The following ABCA10 variants were observed in gnomAD, a reference collection of about 807,000 sequenced individuals.
ABCA10 encodes the protein ATP-binding cassette sub-family A member 10.
In ABCA10, 169 loss-of-function variants were observed where a neutral mutation model predicts 187.5. The observed-to-expected ratio is 0.90, with a 90% CI of 0.80 to 1.02. ABCA10 has a LOEUF of 1.02. ABCA10 is among the 50% of genes least tolerant of loss of function. The pLI, the probability that ABCA10 is intolerant of heterozygous loss-of-function variation, is 0.00. For synonymous variants in ABCA10, 574 were observed against 601.8 expected (o/e 0.95, Z 0.68); for missense variants, 1,727 against 1,812.4 (o/e 0.95, Z 0.86).
intron 11 of ABCA10, among the ~76,000 whole-genome samples, chr17:69,195,267 A>C (rs980313047): frequency 6.6e-6 from 1 of 152,200 alleles, no homozygotes; most frequent in African/African-American, 2.4e-5. Context: ...AGTTCTATGA[A>C]AGTAAAACCA....
rs2074759670 is a variant in ABCA10 at position 69,222,665 on chromosome 17, T to G, written c.67A>C (p.Thr23Pro). ...TTTTTTGGAAGTTCTATATCCATGG[T>G]CTCTTCATCTGGTGTCCCAATGACT... The part of the protein sequence containing the change: ...RTVIGTPDEE[T>P]MDIELPKKYH... The change falls in exon 4 of 39, where the codon ACC (threonine) becomes CCC (proline). Residue 23 changes from threonine (T) to proline (P), a missense_variant. Transcript: ENST00000690296. 1 of 1,594,930 alleles carries G rather than the reference T, an allele frequency of 6.3e-7. No individual in the cohort carries two copies. Among genetic ancestry groups the G allele is most frequent in the African/African-American group, 1.4e-5 (1 of 73,642 alleles).
chr17:69,155,187 C>T (rs765080845), intron 29 of ABCA10, 51 bp from the exon 30 acceptor site: 21 of 1,389,136 alleles, frequency 1.5e-5, no homozygotes, highest in Non-Finnish European at 1.5e-5. Context: ...AGATACTTTA[C>T]GAATTGATGT....
At chr17:69,155,548 T>C (rs1183708452) in intron 29 of ABCA10, among the ~76,000 whole-genome samples, 1 of 152,192 alleles carries the variant, frequency 6.6e-6, no homozygotes, top group Admixed American at 6.5e-5. Flanking sequence ...TAAAATTGAT[T>C]AAAAAATTCG....
chr17:69,234,552 C>T (rs944801748), intron 1 of ABCA10: 1 of 152,232 alleles, frequency 6.6e-6, no homozygotes, highest in African/African-American at 2.4e-5. Context: ...TCAAAACAAC[C>T]TCTAGGTCTT....
At chr17:69,174,809 A>G in intron 23 of ABCA10, 32 bp from the exon 24 acceptor site, 1 of 1,493,224 alleles carries the variant, frequency 6.7e-7, no homozygotes, top group Non-Finnish European at 8.9e-7. Context: ...AGAGGAAGGG[A>G]TCTTAGTTTG....
At position 69,182,137 on chromosome 17, in the gene ABCA10, C is replaced by A; in HGVS notation, c.2769+16G>T. The A allele has an allele frequency of 6.4e-7, 1 of 1,553,450 alleles. No individual in the cohort carries two copies. Among genetic ancestry groups the A allele is most frequent in the Non-Finnish European group, 8.7e-7 (1 of 1,151,180 alleles). On this transcript the variant is annotated intron_variant, in intron 22 of 38. Coordinates refer to ENST00000690296, the MANE Select transcript of ABCA10 (RefSeq NM_001377321.1). The stretch of plus-strand genomic sequence containing the variant: ...CTGCTGTGTTGCCTCTTATATAAGT[C>A]GAATACTCTACTTACACGAGAAAAT...
chr17:69,184,849 A>G (rs1182441688), intron 20 of ABCA10, among the ~76,000 whole-genome samples: 13 of 144,160 alleles, frequency 9.0e-5, no homozygotes, highest in African/African-American at 3.0e-4. Context: ...ATATATGTAT[A>G]TGTGTGTGTG....
rs1405468753 is a variant in ABCA10 at position 69,152,158 on chromosome 17, T to A, written c.4282A>T (p.Lys1428Ter). Residue 1428 changes from lysine to a stop codon, truncating the protein, a stop_gained, in exon 36 of 39, where the codon AAA (lysine) becomes TAA (stop). Transcript: ENST00000690296. LOFTEE classifies it high-confidence loss of function. The part of the protein sequence containing the change: ...LRCIGSIQHL[K>*]NKFGRDYLLE... The stretch of plus-strand genomic sequence containing the variant: ...AAATAATCTCTACCAAACTTGTTTT[T>A]CAGATGTTGAATGGAACCAATACAC... The A allele has an allele frequency of 1.9e-6, 3 of 1,612,728 alleles. No homozygotes were observed. Among genetic ancestry groups the A allele is most frequent in the East Asian group, 2.2e-5 (1 of 44,862 alleles).
chr17:69,176,198 C>G (rs1348667695), intron 22 of ABCA10, among the ~76,000 whole-genome samples: 1 of 152,058 alleles, frequency 6.6e-6, no homozygotes, highest in African/African-American at 2.4e-5. Flanking sequence ...GTTCCAGTTC[C>G]CTATTTCCAA....
chr17:69,154,294 C>T lies in ABCA10; in HGVS notation c.3727G>A (p.Ala1243Thr). 2 of 1,611,518 alleles carry T rather than the reference C, an allele frequency of 1.2e-6. No homozygotes were observed. The highest frequency in any genetic ancestry group is 8.5e-7 in the Non-Finnish European group (1 of 1,179,412). The change falls in exon 31 of 39, where the codon GCT becomes ACT. Residue 1243 changes from alanine (A) to threonine (T), a missense_variant. Coordinates refer to ENST00000690296, the MANE Select transcript of ABCA10 (RefSeq NM_001377321.1). ...EVLGLLGHNG[A>T]GKSTSIKMIT... is the part of the protein sequence containing the mutation. ...ATTTTAATGGAAGTACTTTTACCAG[C>T]TCCATTGTGTCCTAGTAATCCCAAA...
At chr17:69,149,861 G>T in intron 37 of ABCA10, 123 bp downstream of exon 37, 1 of 732,204 alleles carries the variant, frequency 1.4e-6, no homozygotes, top group Non-Finnish European at 2.2e-6. Flanking sequence ...TGACTATCCT[G>T]GTAGGGATTT....
chr17:69,230,069 G>A (rs1277297001), upstream of ABCA10, among the ~76,000 whole-genome samples: 1 of 151,940 alleles, frequency 6.6e-6, no homozygotes, highest in East Asian at 1.9e-4. Context: ...CCTCATAAAT[G>A]GATTAACACT....
chr17:69,202,788 A>C (rs1010108092), intron 9 of ABCA10, among the ~76,000 whole-genome samples: 7 of 152,100 alleles, frequency 4.6e-5, no homozygotes, highest in African/African-American at 1.7e-4. Context: ...CATATCTATT[A>C]GAGTAGAGAA....
At chr17:69,243,038 G>T (rs1302096024) in intron 1 of ABCA10, among the ~76,000 whole-genome samples, 3 of 152,158 alleles carry the variant, frequency 2.0e-5, no homozygotes, top group Non-Finnish European at 4.4e-5. Context: ...TAGTTTAGTT[G>T]ATAGATACCC....
At chr17:69,177,974 A>ATATATATATATATATGTTT in intron 22 of ABCA10, among the ~76,000 whole-genome samples, 1 of 100,830 alleles carries the variant, frequency 9.9e-6, no homozygotes, top group African/African-American at 3.9e-5. Context: ...AAAAAAAAAA[A>ATATATATATATATATGTTT]TATATATATA....
intron 9 of ABCA10, among the ~76,000 whole-genome samples, chr17:69,209,488 A>G (rs1456961930): frequency 6.6e-6 from 1 of 152,258 alleles, no homozygotes; most frequent in Admixed American, 6.5e-5. Context: ...ACGATAGTAC[A>G]ATAAAGATTA....
In ABCA10 at chr17:69,216,414, G is replaced by A. The variant is rs2074705414; in HGVS notation, c.531-56C>T. ...GTCACAAACATAAATGTTTGGAGAGGTAATGTGCGAAATGGTTAAGAGTAA... is the reference window on the plus strand; with the variant it reads ...GTCACAAACATAAATGTTTGGAGAGATAATGTGCGAAATGGTTAAGAGTAA... On this transcript the variant is annotated intron_variant, in intron 6 of 38. Transcript: ENST00000690296. 19 of 1,537,586 alleles carry A rather than the reference G, an allele frequency of 1.2e-5. No homozygotes were observed. In the South Asian group the frequency reaches 2.3e-4, roughly 19 times the overall value.
At chr17:69,231,833 CTGGA>C (rs61704519), upstream of ABCA10, among the ~76,000 whole-genome samples, 31,478 of 151,876 alleles carry the variant, frequency 0.21, 4,202 homozygotes, top group African/African-American at 0.38. Context: ...GATTTTCTGT[CTGGA>C]TGATCTGTCT....
At chr17:69,225,907 C>CA (rs1256402058) in intron 2 of ABCA10, among the ~76,000 whole-genome samples, 9 of 151,944 alleles carry the variant, frequency 5.9e-5, no homozygotes, top group Admixed American at 5.9e-4. Flanking sequence ...TCACTGCTTA[C>CA]AAAAAATATA....
Sources: gnomAD v4.1 joint callset for allele counts (sites outside exome capture counted in the v4.1 genomes callset) on GRCh38, gnomAD v4.1.1 for gene constraint, MANE v1.5 for transcripts, NCBI Gene and HGNC (gene_info 2026-07-23, HGNC 2026-07-21) for gene names.